Variants in PDIA6 observed in about 807,000 individuals in gnomAD.
PDIA6 encodes protein disulfide isomerase family A member 6.
A neutral mutation model predicts 58.4 loss-of-function variants in PDIA6; 29 were observed. The observed-to-expected ratio is 0.50, with a 90% confidence interval of 0.37 to 0.68. The LOEUF (loss-of-function observed/expected upper bound fraction) is 0.68, where lower values mean the gene tolerates loss of function less well. Among genes scored for constraint, PDIA6 ranks in the 30% least tolerant of loss-of-function variants. The probability of loss-of-function intolerance (pLI) is 0.00; values close to 1 mark genes in which losing one functional copy is unlikely to be tolerated. For missense variants in PDIA6, 480 were observed against 551.0 expected, an observed-to-expected ratio of 0.87 and a Z score of 1.29; for synonymous variants, 192 against 202.6, an observed-to-expected ratio of 0.95 and a Z score of 0.44.
At chr2:10,814,158 A>C (rs114224636), upstream of PDIA6, among the ~76,000 whole-genome samples, 1,376 of 152,314 alleles carry the variant, frequency 9.0e-3, 27 homozygotes, top group African/African-American at 0.032. Context: ...TGTGTAAGGC[A>C]TAAGTATTCT....
chr2:10,835,442 G>A (rs1667812733), upstream of PDIA6, among the ~76,000 whole-genome samples: 2 of 152,224 alleles, frequency 1.3e-5, no homozygotes, highest in Admixed American at 1.3e-4. Flanking sequence ...TGCGGCCTCC[G>A]GGGAAGCCCA....
At chr2:10,828,768 C>T (rs1392218381) in intron 1 of PDIA6, among the ~76,000 whole-genome samples, 1 of 152,214 alleles carries the variant, frequency 6.6e-6, no homozygotes, top group African/African-American at 2.4e-5. Context: ...ACTGGAAACC[C>T]CTGCTTTGGA....
At chr2:10,802,801 A>G (rs1429643463) in intron 1 of PDIA6, among the ~76,000 whole-genome samples, 161 bp from the exon 2 acceptor site, 1 of 152,162 alleles carries the variant, frequency 6.6e-6, no homozygotes, top group East Asian at 1.9e-4. Flanking sequence ...GAGCCCCTGG[A>G]ATTTCACTCC....
At position 10,784,990 on chromosome 2, in the gene PDIA6, C is replaced by G. The variant is rs147031503; in HGVS notation, c.1198G>C (p.Gly400Arg). 8 of 1,588,846 alleles carry G rather than the reference C, an allele frequency of 5.0e-6. No individual in the cohort carries two copies. The African/African-American group carries it at 1.1e-4, about 21-fold the overall frequency. Residue 400 changes from glycine (G) to arginine (R), a missense_variant, in exon 12 of 13, where the codon GGC becomes CGC. Transcript: ENST00000272227. ...FGRGSTAPVG[G>R]GAFPTIVERE... ...TCAACGATGGTAGGGAAAGCCCCGC[C>G]TCCTACAGGTGCCGTGGAGCCACGC...
intron 1 of PDIA6, among the ~76,000 whole-genome samples, chr2:10,822,744 G>C (rs1379123970): frequency 6.6e-6 from 1 of 152,206 alleles, no homozygotes; most frequent in South Asian, 2.1e-4. Flanking sequence ...TTCTGGCCTG[G>C]CTTTACTAAA....
At chr2:10,817,144 G>C (rs1339457031), upstream of PDIA6, among the ~76,000 whole-genome samples, 1 of 152,186 alleles carries the variant, frequency 6.6e-6, no homozygotes, top group Non-Finnish European at 1.5e-5. Flanking sequence ...CACTCAGGAA[G>C]CTTGTATGGT....
chr2:10,811,850 T>C (rs1397899081), intron 1 of PDIA6, among the ~76,000 whole-genome samples: 1 of 152,210 alleles, frequency 6.6e-6, no homozygotes, highest in African/African-American at 2.4e-5. Context: ...AGCCCAGCTT[T>C]TGGAAGGCAC....
chr2:10,832,499 A>T, upstream of PDIA6: 2 of 923,524 alleles, frequency 2.2e-6, no homozygotes, highest in Non-Finnish European at 2.6e-6. Flanking sequence ...TAGTGACAGG[A>T]AGTGACCGCA....
chr2:10,816,593 A>G (rs1667204636), upstream of PDIA6, among the ~76,000 whole-genome samples: 1 of 150,658 alleles, frequency 6.6e-6, no homozygotes, highest in African/African-American at 2.5e-5. Context: ...TTAAAAATAC[A>G]GCATTTTTCA....
chr2:10,784,490 A>G (rs901721257), intron 12 of PDIA6, 164 bp from the exon 13 acceptor site: 5 of 565,594 alleles, frequency 8.8e-6, no homozygotes, highest in Non-Finnish European at 1.2e-5. Context: ...GATTATACGG[A>G]TGGAAAAGCT....
intron 4 of PDIA6, 71 bp from the exon 5 acceptor site, chr2:10,793,273 A>C (rs1218608390): frequency 1.0e-6 from 1 of 1,003,976 alleles, no homozygotes; most frequent in African/African-American, 1.6e-5. Context: ...CCGGCCCAAG[A>C]CTGTGTCTTT....
intron 4 of PDIA6, among the ~76,000 whole-genome samples, chr2:10,796,333 A>G (rs182686621): frequency 2.0e-3 from 301 of 152,196 alleles, no homozygotes; most frequent in Non-Finnish European, 2.9e-3. Context: ...GATTACAGGC[A>G]TGAGCCATCA....
Position 10,802,503 on chromosome 2 carries a change from G to T in PDIA6, c.157C>A (p.Pro53Thr). ...CAACTATTTTATAATACTTACCATG[G>T]AGCATAGAATTCTACAAGCCACAAA... ...DSLWLVEFYA[P>T]WCGHCQRLTP... Residue 53 changes from proline to threonine, a missense_variant, in exon 2 of 13, where the codon CCA becomes ACA. Pro to Thr is a conservative substitution (Grantham distance 38). Coordinates refer to ENST00000272227, the MANE Select transcript of PDIA6 (RefSeq NM_005742.4). 1 of 1,377,120 alleles carries T rather than the reference G, an allele frequency of 7.3e-7. No individual in the cohort carries two copies. Among genetic ancestry groups the T allele is most frequent in the South Asian group, 2.1e-5 (1 of 47,366 alleles). 85.3% of individuals were successfully genotyped at this position (1,377,120 alleles called of 1,614,324 possible). A position where few individuals can be genotyped will look rare whatever the true frequency, so the allele number is the denominator to read the frequency against.
chr2:10,825,598 G>A (rs574506502), intron 1 of PDIA6, among the ~76,000 whole-genome samples: 5 of 152,128 alleles, frequency 3.3e-5, no homozygotes, highest in African/African-American at 1.2e-4. Flanking sequence ...CTAGTATCTA[G>A]AATGTATAAG....
At chr2:10,800,574 ATTTTGATT>A (rs771675372) in intron 2 of PDIA6, among the ~76,000 whole-genome samples, 1 of 148,954 alleles carries the variant, frequency 6.7e-6, no homozygotes, top group Non-Finnish European at 1.5e-5. Context: ...TGAAGGTTTG[ATTTTGATT>A]TTTTTTTTTA....
intron 2 of PDIA6, among the ~76,000 whole-genome samples, chr2:10,801,921 T>C (rs924232132): frequency 6.6e-6 from 1 of 152,238 alleles, no homozygotes; most frequent in African/African-American, 2.4e-5. Context: ...GGCTAGGGTT[T>C]GGTTCTCCTC....
intron 1 of PDIA6, among the ~76,000 whole-genome samples, chr2:10,825,732 A>G (rs1294872568): frequency 1.3e-5 from 2 of 152,252 alleles, no homozygotes; most frequent in East Asian, 3.8e-4. Flanking sequence ...AAAGATGCTC[A>G]GCGTCATTAG....
At chr2:10,785,606 C>T (rs1572644012) in intron 11 of PDIA6, among the ~76,000 whole-genome samples, 2 of 152,084 alleles carry the variant, frequency 1.3e-5, no homozygotes, top group East Asian at 3.8e-4. Flanking sequence ...ATCTATGGCA[C>T]CAATGGGCTA....
upstream of PDIA6, among the ~76,000 whole-genome samples, chr2:10,816,397 T>TTC (rs1667195079): frequency 6.6e-6 from 1 of 151,332 alleles, no homozygotes; most frequent in Non-Finnish European, 1.5e-5. Context: ...GTATCATTTT[T>TTC]TTTTTTTTCA....
Sources: gnomAD v4.1 joint callset for allele counts (sites outside exome capture counted in the v4.1 genomes callset) on GRCh38, gnomAD v4.1.1 for gene constraint, MANE v1.5 for transcripts, NCBI Gene and HGNC (gene_info 2026-07-23, HGNC 2026-07-21) for gene names.